Variants in KCNQ3 observed in about 807,000 individuals in gnomAD.
KCNQ3 encodes potassium voltage-gated channel subfamily KQT member 3.
A neutral mutation model predicts 92.5 loss-of-function variants in KCNQ3; 30 were observed. The ratio of observed to expected loss-of-function variants is 0.32; its 90% confidence interval spans 0.24 to 0.44. KCNQ3 has a LOEUF of 0.44. Ranked by LOEUF, KCNQ3 falls within the 20% of genes least tolerant of loss-of-function variation. The probability of loss-of-function intolerance (pLI) is 1.00; values close to 1 mark genes in which losing one functional copy is unlikely to be tolerated. For synonymous variants in KCNQ3, 450 were observed against 468.8 expected, an observed-to-expected ratio of 0.96 and a Z score of 0.52; for missense variants, 913 against 1,140.3, an observed-to-expected ratio of 0.80 and a Z score of 2.87.
At chr8:132,134,532 G>A (rs1355856451) in intron 12 of KCNQ3, 144 bp from the exon 13 acceptor site, 2 of 650,240 alleles carry the variant, frequency 3.1e-6, no homozygotes, top group Non-Finnish European at 5.6e-6. Flanking sequence ...GAGGAGAGGA[G>A]AGGGGAGGAG....
intron 1 of KCNQ3, among the ~76,000 whole-genome samples, chr8:132,292,152 T>C (rs145832092): frequency 3.3e-5 from 5 of 152,320 alleles, no homozygotes; most frequent in African/African-American, 7.2e-5. Flanking sequence ...ATCAAATATA[T>C]AAAAGGCAGA....
intron 1 of KCNQ3, among the ~76,000 whole-genome samples, chr8:132,319,421 G>A (rs1586923224): frequency 6.6e-6 from 1 of 152,134 alleles, no homozygotes; most frequent in Non-Finnish European, 1.5e-5. Flanking sequence ...TATTCTTCTT[G>A]TCTTCCAGCA....
rs12548267 is a variant in KCNQ3 at position 132,221,132 on chromosome 8, C to A, written c.387-34951G>T. On this transcript the variant is annotated intron_variant, in intron 1 of 14. Transcript: ENST00000388996. ...GTATACAGCTGCATCCATGTCCCTG[C>A]AAAGGACATGAACTCATCCTTTTTT... is the stretch of plus-strand genomic sequence containing the variant. Among the ~76,000 whole-genome samples the A allele has an allele frequency of 3.2e-3, 491 of 152,316 alleles. 9 individuals are homozygous for A. Among genetic ancestry groups the A allele is most frequent in the Admixed American group, 0.031 (477 of 15,304 alleles).
intron 1 of KCNQ3, among the ~76,000 whole-genome samples, chr8:132,238,088 A>T (rs1247092687): frequency 6.6e-6 from 1 of 152,160 alleles, no homozygotes; most frequent in African/African-American, 2.4e-5. Flanking sequence ...TAACCACCAA[A>T]CTTCACACTT....
chr8:132,390,072 A>T (rs1820008073), intron 1 of KCNQ3, among the ~76,000 whole-genome samples: 1 of 152,252 alleles, frequency 6.6e-6, no homozygotes, highest in South Asian at 2.1e-4. Context: ...GGAATTCTAC[A>T]CAGCAATGAA....
At chr8:132,424,561 A>C (rs1821058239) in intron 1 of KCNQ3, among the ~76,000 whole-genome samples, 1 of 152,160 alleles carries the variant, frequency 6.6e-6, no homozygotes, top group Non-Finnish European at 1.5e-5. Context: ...TCATCAGGAG[A>C]AGGTCCTAGG....
intron 1 of KCNQ3, among the ~76,000 whole-genome samples, chr8:132,361,970 A>G (rs1819185980): frequency 6.6e-6 from 1 of 152,250 alleles, no homozygotes; most frequent in African/African-American, 2.4e-5. Context: ...TATTAACACA[A>G]TTATGTTAGC....
intron 1 of KCNQ3, among the ~76,000 whole-genome samples, chr8:132,344,130 A>G (rs1378120794): frequency 6.6e-6 from 1 of 152,186 alleles, no homozygotes; most frequent in African/African-American, 2.4e-5. Context: ...AAGGAGGAAA[A>G]GGGATTCTCC....
At chr8:132,299,162 A>G (rs1817138904) in intron 1 of KCNQ3, among the ~76,000 whole-genome samples, 3 of 71,964 alleles carry the variant, frequency 4.2e-5, no homozygotes, top group African/African-American at 2.8e-4. Flanking sequence ...CACATAGTAC[A>G]TATATATATA....
At chr8:132,309,073 C>G (rs1256657416) in intron 1 of KCNQ3, among the ~76,000 whole-genome samples, 3 of 152,034 alleles carry the variant, frequency 2.0e-5, no homozygotes, top group African/African-American at 7.2e-5. Context: ...TTGCTAGCTC[C>G]CCTAGAATAA....
intron 1 of KCNQ3, among the ~76,000 whole-genome samples, chr8:132,354,490 C>G (rs1011211592): frequency 6.6e-6 from 1 of 152,168 alleles, no homozygotes; most frequent in Non-Finnish European, 1.5e-5. Context: ...CCCTGAACTT[C>G]TAGCCAGCCT....
At chr8:132,382,096 G>A (rs1328186276) in intron 1 of KCNQ3, among the ~76,000 whole-genome samples, 1 of 152,238 alleles carries the variant, frequency 6.6e-6, no homozygotes, top group African/African-American at 2.4e-5. Context: ...AAGGCATACT[G>A]TAATACAGTT....
intron 1 of KCNQ3, among the ~76,000 whole-genome samples, chr8:132,281,077 C>T (rs1346687616): frequency 6.6e-6 from 1 of 152,108 alleles, no homozygotes; most frequent in African/African-American, 2.4e-5. Context: ...TATTAGGCAC[C>T]ACCTGTCTTC....
At chr8:132,173,726 G>T (rs138399668) in intron 6 of KCNQ3, among the ~76,000 whole-genome samples, 190 of 152,306 alleles carry the variant, frequency 1.2e-3, no homozygotes, top group African/African-American at 4.4e-3. Context: ...CCTGGACACT[G>T]GGCGTTGGGG....
intron 1 of KCNQ3, among the ~76,000 whole-genome samples, chr8:132,266,114 A>C (rs913193277): frequency 2.0e-5 from 3 of 152,222 alleles, no homozygotes; most frequent in African/African-American, 7.2e-5. Context: ...GAATGATACC[A>C]TTTATGCAAA....
intron 1 of KCNQ3, among the ~76,000 whole-genome samples, chr8:132,444,695 C>A (rs1821629813): frequency 6.6e-6 from 1 of 152,214 alleles, no homozygotes; most frequent in East Asian, 1.9e-4. Context: ...ACACAGCTGA[C>A]CACAGGTCAG....
At chr8:132,174,601 G>A (rs1221223003) in intron 5 of KCNQ3, among the ~76,000 whole-genome samples, 3 of 152,168 alleles carry the variant, frequency 2.0e-5, no homozygotes, top group Admixed American at 6.5e-5. Flanking sequence ...GTATGTACAC[G>A]AGCATTCATG....
chr8:132,390,258 C>T (rs1402244182), intron 1 of KCNQ3, among the ~76,000 whole-genome samples: 2 of 152,002 alleles, frequency 1.3e-5, no homozygotes, highest in Non-Finnish European at 2.9e-5. Context: ...TGAAAGCATA[C>T]AATAAGGTAG....
chr8:132,291,207 G>C (rs904708905), intron 1 of KCNQ3, among the ~76,000 whole-genome samples: 6 of 152,208 alleles, frequency 3.9e-5, no homozygotes, highest in Admixed American at 2.0e-4. Context: ...ACTCAGCACA[G>C]TGTTAACACC....
Sources: allele counts gnomAD v4.1 joint callset (sites outside exome capture counted in the v4.1 genomes callset), GRCh38; gene constraint gnomAD v4.1.1; transcripts MANE v1.5; gene names NCBI Gene and HGNC (gene_info 2026-07-23, HGNC 2026-07-21).